Variants in DNER observed in about 807,000 individuals in gnomAD.
DNER encodes the protein delta and Notch-like epidermal growth factor-related receptor.
A neutral mutation model predicts 78.2 loss-of-function variants in DNER; 33 were observed. The ratio of observed to expected loss-of-function variants is 0.42; its 90% CI spans 0.32 to 0.56. The LOEUF (loss-of-function observed/expected upper bound fraction) is 0.56, where lower values mean the gene tolerates loss of function less well. Among genes scored for constraint, DNER ranks in the 20% least tolerant of loss-of-function variants. DNER has a pLI of 0.11. For synonymous variants in DNER, 417 were observed against 384.8 expected, an observed-to-expected ratio of 1.08 and a Z score of -0.98; for missense variants, 918 against 975.3, an observed-to-expected ratio of 0.94 and a Z score of 0.78.
intron 1 of DNER, among the ~76,000 whole-genome samples, chr2:229,653,402 CCAAGCCCAG>C (rs1329948597): frequency 2.0e-5 from 3 of 152,096 alleles, no homozygotes; most frequent in Non-Finnish European, 4.4e-5. Context: ...ACCATCAGTC[CCAAGCCCAG>C]CAGAAGATCA....
chr2:229,458,702 AAGAT>A (rs1559357164), intron 7 of DNER, among the ~76,000 whole-genome samples: 2 of 152,066 alleles, frequency 1.3e-5, no homozygotes, highest in East Asian at 1.9e-4. Flanking sequence ...TTTTCTCCCT[AAGAT>A]AGAGAGCAAA....
At chr2:229,663,690 T>C (rs1374859164) in intron 1 of DNER, among the ~76,000 whole-genome samples, 1 of 152,230 alleles carries the variant, frequency 6.6e-6, no homozygotes. Context: ...CACTAATGCA[T>C]CCAGCAGATT....
chr2:229,572,711 G>C (rs979634318), intron 4 of DNER, among the ~76,000 whole-genome samples: 5 of 152,192 alleles, frequency 3.3e-5, no homozygotes, highest in Non-Finnish European at 5.9e-5. Flanking sequence ...AGACTATTAA[G>C]AGAAGAGAAA....
At chr2:229,376,033 G>A (rs957946817) in intron 11 of DNER, among the ~76,000 whole-genome samples, 2 of 152,150 alleles carry the variant, frequency 1.3e-5, no homozygotes, top group South Asian at 2.1e-4. Flanking sequence ...GCCACCTTGT[G>A]AAGAAGGTGA....
chr2:229,694,161 C>A (rs915540539), intron 1 of DNER, among the ~76,000 whole-genome samples: 1 of 152,222 alleles, frequency 6.6e-6, no homozygotes, highest in Non-Finnish European at 1.5e-5. Flanking sequence ...TGGTGTTGAG[C>A]CTGTGGGTGC....
chr2:229,693,977 G>C (rs542178467), intron 1 of DNER, among the ~76,000 whole-genome samples: 1 of 152,324 alleles, frequency 6.6e-6, no homozygotes, highest in South Asian at 2.1e-4. Context: ...TGGAGGCCTA[G>C]GAGGGAAAAT....
chr2:229,670,511 T>G (rs1250548019), intron 1 of DNER, among the ~76,000 whole-genome samples: 1 of 152,258 alleles, frequency 6.6e-6, no homozygotes, highest in Non-Finnish European at 1.5e-5. Context: ...GATACAGATT[T>G]TCCTTGGGGT....
At chr2:229,410,262 C>G (rs1050539023) in intron 9 of DNER, among the ~76,000 whole-genome samples, 3 of 152,202 alleles carry the variant, frequency 2.0e-5, no homozygotes, top group Non-Finnish European at 4.4e-5. Flanking sequence ...GTCATTGTCA[C>G]GGAGTTCACT....
intron 7 of DNER, among the ~76,000 whole-genome samples, chr2:229,475,395 C>T (rs533791382): frequency 1.6e-4 from 24 of 152,284 alleles, no homozygotes; most frequent in African/African-American, 5.5e-4. Context: ...CAGTCATGCC[C>T]GCAACTGCGC....
intron 2 of DNER, 88 bp from the exon 3 acceptor site, chr2:229,588,576 C>T (rs1156446260): frequency 2.2e-5 from 26 of 1,173,420 alleles, no homozygotes; most frequent in Non-Finnish European, 3.1e-5. Context: ...GCTGAATTTC[C>T]TTCATCCCTT....
At chr2:229,484,764 A>G (rs1444651412) in intron 6 of DNER, among the ~76,000 whole-genome samples, 2 of 152,162 alleles carry the variant, frequency 1.3e-5, no homozygotes, top group Non-Finnish European at 2.9e-5. Flanking sequence ...CCAAGGCAAA[A>G]TGTCCTGAAC....
At chr2:229,420,860 GTT>G (rs1489702232) in intron 8 of DNER, among the ~76,000 whole-genome samples, 1 of 152,054 alleles carries the variant, frequency 6.6e-6, no homozygotes, top group African/African-American at 2.4e-5. Flanking sequence ...AACTACAGAG[GTT>G]CCTCAAAAAA....
chr2:229,628,141 C>T (rs779927690), intron 1 of DNER, among the ~76,000 whole-genome samples: 11 of 152,120 alleles, frequency 7.2e-5, no homozygotes, highest in Non-Finnish European at 1.6e-4. Context: ...TGAGGCTATC[C>T]AAAAACCACC....
chr2:229,662,810 T>C (rs1392948943), intron 1 of DNER, among the ~76,000 whole-genome samples: 1 of 152,226 alleles, frequency 6.6e-6, no homozygotes, highest in Non-Finnish European at 1.5e-5. Context: ...AATTCACCTA[T>C]GAAATCAGGT....
intron 1 of DNER, among the ~76,000 whole-genome samples, chr2:229,710,983 GCACACACACACACACA>G (rs34720917): frequency 2.9e-5 from 4 of 139,724 alleles, no homozygotes; most frequent in African/African-American, 5.4e-5. Flanking sequence ...GCATACACGC[GCACACACACACACACA>G]CACACACACA....
At chr2:229,586,207 T>C (rs1697492301) in intron 3 of DNER, among the ~76,000 whole-genome samples, 183 bp from the exon 4 acceptor site, 1 of 152,160 alleles carries the variant, frequency 6.6e-6, no homozygotes, top group Non-Finnish European at 1.5e-5. Context: ...TTGTTCACAG[T>C]GTACCACAAA....
At chr2:229,388,169 T>C in intron 11 of DNER, 96 bp downstream of exon 11, 1 of 1,483,516 alleles carries the variant, frequency 6.7e-7, no homozygotes. Flanking sequence ...ACTCGGGGGC[T>C]TTCTGGTCAC....
At chr2:229,556,405 G>T (rs1225257670) in intron 4 of DNER, among the ~76,000 whole-genome samples, 2 of 152,200 alleles carry the variant, frequency 1.3e-5, no homozygotes, top group Non-Finnish European at 2.9e-5. Flanking sequence ...CTATAGTCTT[G>T]GATGGGTCCC....
intron 11 of DNER, among the ~76,000 whole-genome samples, chr2:229,375,398 C>A (rs1476305455): frequency 6.6e-6 from 1 of 152,200 alleles, no homozygotes; most frequent in East Asian, 1.9e-4. Context: ...GCTCAACTCA[C>A]AGAATTGAGT....
Sources: gnomAD v4.1 joint callset for allele counts (sites outside exome capture counted in the v4.1 genomes callset) on GRCh38, gnomAD v4.1.1 for gene constraint, MANE v1.5 for transcripts, NCBI Gene and HGNC (gene_info 2026-07-23, HGNC 2026-07-21) for gene names.